The following ELMO1 variants were observed in gnomAD, a reference collection of about 807,000 sequenced individuals.
The protein encoded by ELMO1 is engulfment and cell motility 1, also known as engulfment and cell motility protein 1.
A neutral mutation model predicts 98.9 loss-of-function variants in ELMO1; 26 were observed. The ratio of observed to expected loss-of-function variants is 0.26; its 90% CI spans 0.19 to 0.36. The LOEUF (loss-of-function observed/expected upper bound fraction) is 0.36. Ranked by LOEUF, ELMO1 falls within the 10% of genes least tolerant of loss-of-function variation. The probability of loss-of-function intolerance (pLI) is 1.00; values close to 1 mark genes in which losing one functional copy is unlikely to be tolerated. For missense variants in ELMO1, 627 were observed against 935.2 expected (o/e 0.67, Z 4.30); for synonymous variants, 346 against 346.0 (o/e 1.00, Z 0.00).
intron 14 of ELMO1, among the ~76,000 whole-genome samples, chr7:37,132,257 C>T (rs186632344): frequency 1.1e-3 from 171 of 152,308 alleles, no homozygotes; most frequent in Admixed American, 2.3e-3. Flanking sequence ...CATGCTCTTA[C>T]CATATTTTAA....
chr7:37,246,628 A>G (rs1480467682), intron 6 of ELMO1, among the ~76,000 whole-genome samples: 1 of 152,230 alleles, frequency 6.6e-6, no homozygotes, highest in African/African-American at 2.4e-5. Context: ...AACACTGGAT[A>G]AATCTGTAAA....
At chr7:37,376,191 C>G (rs972381143) in intron 1 of ELMO1, among the ~76,000 whole-genome samples, 1 of 152,164 alleles carries the variant, frequency 6.6e-6, no homozygotes, top group Non-Finnish European at 1.5e-5. Context: ...ACAGACCTGA[C>G]CTAGTGCCCA....
intron 10 of ELMO1, 58 bp from the exon 11 acceptor site, chr7:37,216,753 T>A (rs1449241390): frequency 6.3e-7 from 1 of 1,593,678 alleles, no homozygotes; most frequent in African/African-American, 1.3e-5. Flanking sequence ...CATTTCGACA[T>A]GGCCAAAAAT....
At chr7:36,858,095 T>A (rs73689652) in intron 21 of ELMO1, among the ~76,000 whole-genome samples, 2 of 152,218 alleles carry the variant, frequency 1.3e-5, no homozygotes, top group African/African-American at 4.8e-5. Context: ...CTCATTGTTC[T>A]TCTTTGAAAG....
At chr7:37,044,419 T>A (rs879460727) in intron 15 of ELMO1, among the ~76,000 whole-genome samples, 1 of 152,232 alleles carries the variant, frequency 6.6e-6, no homozygotes, top group Non-Finnish European at 1.5e-5. Context: ...GCACTATTAT[T>A]GTCTTCAGTT....
chr7:36,877,906 T>A (rs1486965064), intron 19 of ELMO1, 104 bp downstream of exon 19: 12 of 877,540 alleles, frequency 1.4e-5, no homozygotes, highest in Admixed American at 2.2e-5. Context: ...ATGAGATGTG[T>A]TCAAAGGGCT....
intron 16 of ELMO1, among the ~76,000 whole-genome samples, chr7:36,967,512 G>A (rs1467103614): frequency 2.0e-5 from 3 of 152,132 alleles, no homozygotes; most frequent in Non-Finnish European, 4.4e-5. Flanking sequence ...GCCACTAGGG[G>A]GAGTGTTGGC....
In ELMO1 at chr7:37,158,818, G is replaced by T. The variant is rs1159945404; in HGVS notation, c.1087-25584C>A. On this transcript the variant is annotated intron_variant, in intron 13 of 21. Coordinates refer to ENST00000310758, the MANE Select transcript of ELMO1 (RefSeq NM_014800.11). ...CCCATTACTGGGTATATACCCAAAG[G>T]ATTATAAATCATGCTGCTATAAAGA... Among the ~76,000 whole-genome samples the T allele has an allele frequency of 5.3e-5, 8 of 152,286 alleles. No homozygotes were observed. The South Asian group carries it at 8.3e-4, about 16-fold the overall frequency.
At chr7:37,280,354 G>T (rs773856571) in intron 4 of ELMO1, among the ~76,000 whole-genome samples, 1 of 152,168 alleles carries the variant, frequency 6.6e-6, no homozygotes, top group Non-Finnish European at 1.5e-5. Context: ...AAATAGCTGG[G>T]ACCTAATTAA....
At chr7:37,081,787 C>T (rs753571424) in intron 15 of ELMO1, among the ~76,000 whole-genome samples, 7 of 151,972 alleles carry the variant, frequency 4.6e-5, no homozygotes, top group East Asian at 1.9e-4. Flanking sequence ...TGGACTAATA[C>T]GATGTGCATT....
At chr7:37,213,250 C>A in intron 12 of ELMO1, 85 bp downstream of exon 12, 1 of 1,494,366 alleles carries the variant, frequency 6.7e-7, no homozygotes, top group Non-Finnish European at 9.0e-7. Context: ...CTGAAACTCC[C>A]TAGTTTCAGG....
At chr7:36,956,043 C>T (rs1202249670) in intron 16 of ELMO1, among the ~76,000 whole-genome samples, 1 of 152,178 alleles carries the variant, frequency 6.6e-6, no homozygotes, top group Non-Finnish European at 1.5e-5. Context: ...TAGGTCTTAA[C>T]ACAGTGTCGT....
intron 13 of ELMO1, among the ~76,000 whole-genome samples, chr7:37,157,331 G>A (rs1369657265): frequency 6.6e-6 from 1 of 152,180 alleles, no homozygotes; most frequent in Non-Finnish European, 1.5e-5. Flanking sequence ...TCAGGCAGGA[G>A]AAAGAAATAA....
intron 13 of ELMO1, among the ~76,000 whole-genome samples, chr7:37,205,216 T>C (rs932128438): frequency 1.3e-5 from 2 of 152,230 alleles, no homozygotes; most frequent in African/African-American, 4.8e-5. Flanking sequence ...AGTAGACTCT[T>C]CTTATTTGCA....
In ELMO1 at chr7:36,855,356, A is replaced by C; in HGVS notation, c.*195T>G. 3.2e-6 allele frequency: 2 copies of C among 630,784 alleles called. No homozygotes were observed. The highest frequency in any genetic ancestry group is 5.5e-6 in the Non-Finnish European group (2 of 364,996). 39.1% of individuals were successfully genotyped at this position (630,784 alleles called of 1,614,324 possible). A position where few individuals can be genotyped will look rare whatever the true frequency, so the allele number is the denominator to read the frequency against. ...TGACCTGAAGCAGTGGAGCCGAGGA[A>C]CAGAATCAGGGCGGTGAGCAAGATG... On this transcript the variant is annotated 3_prime_UTR_variant, in exon 22 of 22. Coordinates refer to ENST00000310758, the MANE Select transcript of ELMO1 (RefSeq NM_014800.11). This position sits in a 1 kb window ranked among gnomAD's most constrained non-coding sequence, Gnocchi z 4.2.
chr7:37,331,799 G>C (rs1800140333), intron 2 of ELMO1, among the ~76,000 whole-genome samples: 1 of 152,130 alleles, frequency 6.6e-6, no homozygotes, highest in African/African-American at 2.4e-5. Context: ...GAGTCTAAAA[G>C]ACACAACATG....
chr7:37,120,328 G>A (rs547215082), intron 14 of ELMO1, among the ~76,000 whole-genome samples: 11 of 152,242 alleles, frequency 7.2e-5, no homozygotes, highest in Non-Finnish European at 1.0e-4. Flanking sequence ...AGGGAGAGGC[G>A]TTGCCTCACC....
intron 16 of ELMO1, among the ~76,000 whole-genome samples, chr7:36,950,204 C>A (rs189565731): frequency 6.6e-6 from 1 of 152,298 alleles, no homozygotes; most frequent in Non-Finnish European, 1.5e-5. Context: ...ATGAGCGACT[C>A]CTGACTGGGT....
rs567258488 is a variant in ELMO1, at chr7:37,342,803, G to T, written c.-73-40C>A. On this transcript the variant is annotated intron_variant, in intron 1 of 21. Coordinates refer to ENST00000310758, the MANE Select transcript of ELMO1 (RefSeq NM_014800.11). The surrounding 1 kb of genome is among the most constrained non-coding windows in gnomAD (Gnocchi z 4.3). ...CAGAAAAAGAAAGAGAAGTCACTCA[G>T]TGCAGATGCAGGGTGAATTTTGCTT... The T allele has an allele frequency of 1.8e-5, 18 of 975,586 alleles. No homozygotes were observed. The African/African-American group carries it at 2.8e-4, about 15-fold the overall frequency. The allele number at this position is 975,586 out of a possible 1,614,324, so 60.4% of individuals were successfully genotyped here. A position where few individuals can be genotyped will look rare whatever the true frequency, so the allele number is the denominator to read the frequency against.
Sources: gnomAD v4.1 joint callset for allele counts (sites outside exome capture counted in the v4.1 genomes callset) on GRCh38, gnomAD v4.1.1 for gene constraint, Gnocchi (gnomAD v3.1) non-coding constraint, MANE v1.5 for transcripts, NCBI Gene and HGNC (gene_info 2026-07-23, HGNC 2026-07-21) for gene names.